FXYD5: variants seen among roughly 807,000 people sequenced by gnomAD.
FXYD5 encodes FXYD domain containing ion transport regulator 5.
In FXYD5, 21 loss-of-function variants were observed where a neutral mutation model predicts 25.7. The observed-to-expected ratio is 0.82, with a 90% CI of 0.58 to 1.18. FXYD5 has a LOEUF of 1.18. FXYD5 is among the 50% of genes most tolerant of loss of function. The pLI is 0.00. For missense variants in FXYD5, 229 were observed against 227.7 expected (o/e 1.01, Z -0.04); for synonymous variants, 101 against 90.7 (o/e 1.11, Z -0.64).
chr19:35,164,115 T>C, intron 5 of FXYD5, 41 bp from the exon 6 acceptor site: 1 of 1,614,038 alleles, frequency 6.2e-7, no homozygotes, highest in South Asian at 1.1e-5. Context: ...TCTGCCTCCA[T>C]GGCTCACTCC....
Position 35,164,172 on chromosome 19 carries a change from C to T in FXYD5, c.309C>T (p.Asp103=). The T allele has an allele frequency of 6.2e-7, 1 of 1,614,090 alleles. No individual in the cohort carries two copies. The highest frequency in any genetic ancestry group is 8.5e-7 in the Non-Finnish European group (1 of 1,180,014). ...KSTKAAHPTD[D]TTTLSERPSP... is the part of the protein sequence containing the mutation. ...CTCTCTCAGCTCATCCCACTGATGA[C>T]ACCACGACGCTCTCTGAGAGACCAT... The change falls in exon 6 of 9, where the codon GAC becomes GAT. Residue 103 remains aspartate, a synonymous_variant. Transcript: ENST00000392219.
intron 5 of FXYD5, among the ~76,000 whole-genome samples, chr19:35,162,705 A>G (rs942584024): frequency 6.6e-6 from 1 of 152,132 alleles, no homozygotes; most frequent in African/African-American, 2.4e-5. Flanking sequence ...GGTGGGGTGG[A>G]TAGAATTCAG....
At position 35,158,410 on chromosome 19, in the gene FXYD5, G is replaced by A. The variant is rs768147308; in HGVS notation, c.199+10G>A. ...ACCTGGCCTGCTGATGGTGAGTAGT[G>A]CAGGGGCAGGCGGCGGGGACAGGAC... is the stretch of plus-strand genomic sequence containing the variant. On this transcript the variant is annotated intron_variant, in intron 4 of 8. Coordinates refer to ENST00000392219, the MANE Select transcript of FXYD5 (RefSeq NM_014164.6). 20 of 1,539,288 alleles carry A rather than the reference G, an allele frequency of 1.3e-5. No individual in the cohort carries two copies. The highest frequency in any genetic ancestry group is 1.7e-5 in the Non-Finnish European group (19 of 1,112,502).
At chr19:35,156,529 G>A (rs903001796) in intron 2 of FXYD5, among the ~76,000 whole-genome samples, 23 of 152,306 alleles carry the variant, frequency 1.5e-4, no homozygotes, top group Admixed American at 1.5e-3. Context: ...GTCAGGGAGG[G>A]CCTCACTGAG....
At position 35,169,673 on chromosome 19, in the gene FXYD5, C is replaced by T. The variant is rs914454686; in HGVS notation, c.*58C>T. The stretch of plus-strand genomic sequence containing the variant: ...GGCACCCGAAGACCAAGCCCCCTGC[C>T]AGCTCACCGTGCCCAGCCTCCTGCA... On this transcript the variant is annotated 3_prime_UTR_variant, in exon 9 of 9. Coordinates refer to ENST00000392219, the MANE Select transcript of FXYD5 (RefSeq NM_014164.6). 7.1e-6 allele frequency: 8 copies of T among 1,120,950 alleles called. No individual in the cohort carries two copies. In the African/African-American group the frequency reaches 1.2e-4, roughly 17 times the overall value. 69.4% of individuals were successfully genotyped at this position (1,120,950 alleles called of 1,614,324 possible). A position where few individuals can be genotyped will look rare whatever the true frequency, so the allele number is the denominator to read the frequency against.
At chr19:35,157,857 C>T (rs530628809) in intron 3 of FXYD5, among the ~76,000 whole-genome samples, 190 of 152,302 alleles carry the variant, frequency 1.2e-3, no homozygotes, top group African/African-American at 4.4e-3. Context: ...TTTGGCCAGG[C>T]TCAGGTCGTA....
chr19:35,167,783 T>C (rs1265865002), intron 8 of FXYD5, among the ~76,000 whole-genome samples: 1 of 151,852 alleles, frequency 6.6e-6, no homozygotes, highest in Non-Finnish European at 1.5e-5. Context: ...AATCTGAGAG[T>C]CAAGCACTGT....
intron 5 of FXYD5, among the ~76,000 whole-genome samples, chr19:35,161,656 G>A (rs2065407228): frequency 6.6e-6 from 1 of 152,216 alleles, no homozygotes; most frequent in East Asian, 1.9e-4. Context: ...CAAGAGTCAG[G>A]GAAGAGGGGA....
At chr19:35,165,940 T>G (rs1164859781) in intron 6 of FXYD5, among the ~76,000 whole-genome samples, 1 of 152,044 alleles carries the variant, frequency 6.6e-6, no homozygotes, top group African/African-American at 2.4e-5. Flanking sequence ...GGGAGGCCAG[T>G]AGGGCTGGAG....
chr19:35,163,471 A>T (rs1396548194), intron 5 of FXYD5, among the ~76,000 whole-genome samples: 2 of 150,316 alleles, frequency 1.3e-5, no homozygotes, highest in African/African-American at 4.9e-5. Context: ...GGTGATATTC[A>T]GAATAGTTTT....
intron 2 of FXYD5, among the ~76,000 whole-genome samples, chr19:35,156,523 G>C (rs1349315843): frequency 2.0e-5 from 3 of 152,194 alleles, no homozygotes; most frequent in Non-Finnish European, 4.4e-5. Flanking sequence ...TGGGTGGTCA[G>C]GGAGGGCCTC....
intron 6 of FXYD5, among the ~76,000 whole-genome samples, chr19:35,165,073 G>T (rs947333924): frequency 1.3e-5 from 2 of 150,206 alleles, no homozygotes; most frequent in Non-Finnish European, 3.0e-5. Flanking sequence ...ATGTTCCAGT[G>T]GGCATTTCCT....
rs2065484084 is a variant in FXYD5 at position 35,169,864 on chromosome 19, A to G, written c.*249A>G. ...ATCTCCTCTGCTAAGACAAAAAGTAAAGCACTGTGGTCTTTGCCCCAGGAT... is the reference window on the plus strand; with the variant it reads ...ATCTCCTCTGCTAAGACAAAAAGTAGAGCACTGTGGTCTTTGCCCCAGGAT... On this transcript the variant is annotated 3_prime_UTR_variant, in exon 9 of 9. Coordinates refer to ENST00000392219, the MANE Select transcript of FXYD5 (RefSeq NM_014164.6). The G allele has an allele frequency of 3.9e-6, 2 of 514,422 alleles. No homozygotes were observed. The highest frequency in any genetic ancestry group is 3.3e-5 in the Admixed American group (1 of 30,590). 31.9% of individuals were successfully genotyped at this position (514,422 alleles called of 1,614,324 possible).
chr19:35,157,384 C>G (rs368476412), intron 2 of FXYD5, 37 bp from the exon 3 acceptor site: 12 of 1,153,972 alleles, frequency 1.0e-5, no homozygotes, highest in East Asian at 2.4e-5. Context: ...GGAGGGGGAC[C>G]AGGCTCCCTC....
chr19:35,156,343 T>C (rs2145408871), intron 2 of FXYD5, among the ~76,000 whole-genome samples: 1 of 152,332 alleles, frequency 6.6e-6, no homozygotes, highest in East Asian at 1.9e-4. Context: ...ATTTGACAAA[T>C]ATTTATTGAG....
At chr19:35,162,663 C>T (rs972543651) in intron 5 of FXYD5, among the ~76,000 whole-genome samples, 1 of 152,144 alleles carries the variant, frequency 6.6e-6, no homozygotes, top group Non-Finnish European at 1.5e-5. Flanking sequence ...CTCCCAAAGG[C>T]CCTCGCTCCA....
Position 35,157,484 on chromosome 19 carries a change from T to C in FXYD5, c.125T>C (p.Val42Ala), listed in dbSNP as rs1600500694. 6.4e-7 allele frequency: 1 copy of C among 1,559,012 alleles called. No homozygotes were observed. Among genetic ancestry groups the C allele is most frequent in the Non-Finnish European group, 8.8e-7 (1 of 1,130,390 alleles). Residue 42 changes from valine (V) to alanine (A), a missense_variant, in exon 3 of 9, where the codon GTC becomes GCC. Coordinates refer to ENST00000392219, the MANE Select transcript of FXYD5 (RefSeq NM_014164.6). ...GACTCAACTATCATGGACATTCAGGTCCCGACACGAGCCCCAGGTGAGGAA... is the reference window on the plus strand; with the variant it reads ...GACTCAACTATCATGGACATTCAGGCCCCGACACGAGCCCCAGGTGAGGAA... The part of the protein sequence containing the change: ...SADSTIMDIQ[V>A]PTRAPDAVYT...
intron 5 of FXYD5, among the ~76,000 whole-genome samples, chr19:35,161,492 A>G (rs1180489174): frequency 6.6e-6 from 1 of 152,244 alleles, no homozygotes; most frequent in Non-Finnish European, 1.5e-5. Context: ...GAGGCCTAGA[A>G]TTGACTCTCA....
At chr19:35,163,213 C>T (rs1285302984) in intron 5 of FXYD5, among the ~76,000 whole-genome samples, 1 of 152,180 alleles carries the variant, frequency 6.6e-6, no homozygotes, top group African/African-American at 2.4e-5. Flanking sequence ...TTCCTCTGGG[C>T]AATGCATTCC....
Sources: gnomAD v4.1 joint callset for allele counts (sites outside exome capture counted in the v4.1 genomes callset) on GRCh38, gnomAD v4.1.1 for gene constraint, MANE v1.5 for transcripts, NCBI Gene and HGNC (gene_info 2026-07-23, HGNC 2026-07-21) for gene names.